The following HSF2BP variants were observed in gnomAD, a reference collection of about 807,000 sequenced individuals.
The protein encoded by HSF2BP is heat shock factor 2-binding protein.
HSF2BP carries 35 observed loss-of-function variants against 35.0 expected under a neutral mutation model. The ratio of observed to expected loss-of-function variants is 1.00; its 90% CI spans 0.76 to 1.32. The LOEUF is 1.32. HSF2BP is among the 40% of genes most tolerant of loss of function. HSF2BP has a pLI of 0.00. For synonymous variants in HSF2BP, 114 were observed against 117.4 expected, an observed-to-expected ratio of 0.97 and a Z score of 0.18; for missense variants, 326 against 321.7, an observed-to-expected ratio of 1.01 and a Z score of -0.10.
chr21:43,612,802 T>G (rs923422257), intron 7 of HSF2BP, among the ~76,000 whole-genome samples: 2 of 152,104 alleles, frequency 1.3e-5, no homozygotes, highest in African/African-American at 4.8e-5. Context: ...ACTCGGTCTC[T>G]TTAAAAAAAT....
intron 6 of HSF2BP, among the ~76,000 whole-genome samples, chr21:43,623,270 T>C (rs1271011531): frequency 4.0e-5 from 6 of 151,794 alleles, no homozygotes; most frequent in East Asian, 1.9e-4. Flanking sequence ...CAAATGAAAA[T>C]GGAAAAACAA....
At chr21:43,581,347 C>G (rs1318314606) in intron 8 of HSF2BP, among the ~76,000 whole-genome samples, 3 of 151,014 alleles carry the variant, frequency 2.0e-5, no homozygotes, top group African/African-American at 7.3e-5. Context: ...GATCACGCCT[C>G]TGAACTCCAG....
intron 2 of HSF2BP, 51 bp downstream of exon 2, chr21:43,658,010 G>A (rs1267459528): frequency 6.5e-7 from 1 of 1,534,514 alleles, no homozygotes; most frequent in Non-Finnish European, 8.7e-7. Flanking sequence ...TGAGGGGAGC[G>A]AATGGCGACG....
At chr21:43,575,531 C>G (rs554655577) in intron 8 of HSF2BP, among the ~76,000 whole-genome samples, 1 of 152,258 alleles carries the variant, frequency 6.6e-6, no homozygotes, top group Non-Finnish European at 1.5e-5. Flanking sequence ...TTACACTTGA[C>G]TAGCAATTCA....
intron 8 of HSF2BP, among the ~76,000 whole-genome samples, chr21:43,575,952 T>C (rs928228143): frequency 3.3e-5 from 5 of 152,244 alleles, no homozygotes; most frequent in South Asian, 2.1e-4. Context: ...ACCCCATCTC[T>C]ACTGAAAATA....
chr21:43,577,918 C>A (rs956492504), intron 8 of HSF2BP, among the ~76,000 whole-genome samples: 4 of 151,890 alleles, frequency 2.6e-5, no homozygotes. Context: ...ATATTCTCCC[C>A]GCCCTTGAGA....
At chr21:43,656,198 T>C (rs2082865671) in intron 3 of HSF2BP, among the ~76,000 whole-genome samples, 2 of 152,132 alleles carry the variant, frequency 1.3e-5, no homozygotes, top group South Asian at 4.1e-4. Context: ...TAAAGATAAG[T>C]GAACACACTT....
At chr21:43,596,889 A>G (rs1471037905) in intron 7 of HSF2BP, among the ~76,000 whole-genome samples, 4 of 76,452 alleles carry the variant, frequency 5.2e-5, no homozygotes, top group Non-Finnish European at 9.7e-5. Context: ...CCTGTCTCAA[A>G]AAAAAAAAAA....
Position 43,636,214 on chromosome 21 carries a change from A to G in HSF2BP, c.292-2793T>C, listed in dbSNP as rs992987382. 1.8e-4 allele frequency among the ~76,000 whole-genome samples: 5 copies of G among 27,038 alleles called. No homozygotes were observed. The African/African-American group carries it at 1.9e-3, about 10-fold the overall frequency. The allele number at this position is 27,038 out of a possible 152,430, so 17.7% of individuals were successfully genotyped here. A position where few individuals can be genotyped will look rare whatever the true frequency, so the allele number is the denominator to read the frequency against. ...AAGAAAGAAAAAAAAGAAAGAAAAG[A>G]AAAGAAAAGAAAAGAAAAGAAAAGA... On this transcript the variant is annotated intron_variant, in intron 4 of 8. Transcript: ENST00000291560.
At chr21:43,628,339 G>A (rs941360815) in intron 6 of HSF2BP, among the ~76,000 whole-genome samples, 1 of 152,150 alleles carries the variant, frequency 6.6e-6, no homozygotes, top group Non-Finnish European at 1.5e-5. Context: ...TGATAAGAAC[G>A]CAAAACAGCC....
At chr21:43,621,021 T>C (rs2082325621) in intron 6 of HSF2BP, among the ~76,000 whole-genome samples, 2 of 152,048 alleles carry the variant, frequency 1.3e-5, no homozygotes, top group African/African-American at 4.8e-5. Context: ...TTCAAAGAAA[T>C]AACAGAAAAC....
At chr21:43,602,507 G>C (rs2082063840) in intron 7 of HSF2BP, among the ~76,000 whole-genome samples, 2 of 152,182 alleles carry the variant, frequency 1.3e-5, no homozygotes, top group African/African-American at 4.8e-5. Flanking sequence ...ACTTTCACAA[G>C]CCATACTCTC....
At chr21:43,500,919 A>G in the HSF2BP span, among the ~76,000 whole-genome samples, 1 of 56,944 alleles carries the variant, frequency 1.8e-5, no homozygotes, top group Non-Finnish European at 3.2e-5. Flanking sequence ...GGTGGGCATG[A>G]GGGTGCTGGG....
intron 7 of HSF2BP, among the ~76,000 whole-genome samples, chr21:43,596,641 A>C (rs1395861194): frequency 6.6e-6 from 1 of 152,134 alleles, no homozygotes; most frequent in Non-Finnish European, 1.5e-5. Context: ...CAACATGGGA[A>C]GACTGCTTGA....
intron 3 of HSF2BP, among the ~76,000 whole-genome samples, chr21:43,647,671 C>T (rs1036176420): frequency 1.3e-5 from 2 of 152,042 alleles, no homozygotes; most frequent in East Asian, 1.9e-4. Context: ...ACTGCACAAA[C>T]GGCGTCAATT....
intron 6 of HSF2BP, among the ~76,000 whole-genome samples, chr21:43,615,049 C>A (rs572892462): frequency 7.1e-4 from 108 of 152,320 alleles, no homozygotes; most frequent in African/African-American, 2.5e-3. Flanking sequence ...AGTGCTGCAG[C>A]CATTACTGGC....
At chr21:43,655,991 A>G (rs1302033679) in intron 3 of HSF2BP, among the ~76,000 whole-genome samples, 1 of 152,256 alleles carries the variant, frequency 6.6e-6, no homozygotes, top group Non-Finnish European at 1.5e-5. Flanking sequence ...ATTGGCCTTT[A>G]CCGTCAAAGG....
chr21:43,658,135 C>T lies in HSF2BP; in HGVS notation c.-39G>A, dbSNP rs2082906131. On this transcript the variant is annotated 5_prime_UTR_variant, in exon 2 of 9. Transcript: ENST00000291560. ...TCCGCTCCGTTCGCCTGAGCGTCGG[C>T]GCGCCCTCTGACCCCTCACGCCAGA... 2 of 1,505,260 alleles carry T rather than the reference C, an allele frequency of 1.3e-6. No individual in the cohort carries two copies. The highest frequency in any genetic ancestry group is 1.4e-5 in the African/African-American group (1 of 71,544). 93.2% of individuals were successfully genotyped at this position (1,505,260 alleles called of 1,614,324 possible).
intron 8 of HSF2BP, among the ~76,000 whole-genome samples, chr21:43,576,332 C>T (rs1047589360): frequency 6.6e-6 from 1 of 152,112 alleles, no homozygotes; most frequent in Non-Finnish European, 1.5e-5. Context: ...TAAGTCATTT[C>T]CACCTCTTAC....
Sources: allele counts gnomAD v4.1 joint callset (sites outside exome capture counted in the v4.1 genomes callset), GRCh38; gene constraint gnomAD v4.1.1; transcripts MANE v1.5; gene names NCBI Gene and HGNC (gene_info 2026-07-23, HGNC 2026-07-21).